BRAF: variants seen among roughly 807,000 people sequenced by gnomAD.
BRAF encodes the protein B-Raf proto-oncogene, serine/threonine kinase, also known as serine/threonine-protein kinase B-raf.
Under a neutral mutation model 104.6 loss-of-function variants are expected in BRAF, and 16 were observed. The observed-to-expected ratio is 0.15, with a 90% CI of 0.10 to 0.23. BRAF has a LOEUF of 0.23. Ranked by LOEUF, BRAF falls within the 10% of genes least tolerant of loss-of-function variation. The pLI is 1.00. For synonymous variants in BRAF, 310 were observed against 341.6 expected, an observed-to-expected ratio of 0.91 and a Z score of 1.02; for missense variants, 541 against 937.3, an observed-to-expected ratio of 0.58 and a Z score of 5.52.
At chr7:140,903,852 A>G (rs4726020) in intron 1 of BRAF, among the ~76,000 whole-genome samples, 62,488 of 152,152 alleles carry the variant, frequency 0.41, 18,004 homozygotes, top group African/African-American at 0.82. Flanking sequence ...CTGTAGGTGT[A>G]GTAGAAGCAG....
At chr7:140,783,802 AG>A (rs999562238) in intron 10 of BRAF, among the ~76,000 whole-genome samples, 1 of 152,254 alleles carries the variant, frequency 6.6e-6, no homozygotes, top group Non-Finnish European at 1.5e-5. Context: ...ATGTAAATAA[AG>A]CCGGGCATAT....
At position 140,796,943 on chromosome 7, in the gene BRAF, A is replaced by AT. The variant is rs539402227; in HGVS notation, c.981-2477dup. Among the ~76,000 whole-genome samples the AT allele has an allele frequency of 2.2e-4, 34 of 152,014 alleles. No homozygotes were observed. In the South Asian group the frequency reaches 6.7e-3, roughly 30 times the overall value. On this transcript the variant is annotated intron_variant, in intron 7 of 19. Coordinates refer to ENST00000644969, the MANE Select transcript of BRAF (RefSeq NM_001374258.1). Reference sequence around the variant, plus strand: ...AAATATTACCTGGTATCCTGATTCAATTTTTTTTCTGATTTCAGTTAATAC... The same window carrying AT: ...AAATATTACCTGGTATCCTGATTCAATTTTTTTTTCTGATTTCAGTTAATAC...
intron 14 of BRAF, among the ~76,000 whole-genome samples, chr7:140,756,603 G>A (rs1240100639): frequency 6.6e-6 from 1 of 151,736 alleles, no homozygotes; most frequent in African/African-American, 2.4e-5. Flanking sequence ...TTTGGGAGTA[G>A]GGAAGGGAAC....
intron 1 of BRAF, among the ~76,000 whole-genome samples, chr7:140,884,427 A>ATGTGTGTGTGTGTGTGTGTG (rs1491354147): frequency 1.7e-5 from 2 of 114,664 alleles, no homozygotes; most frequent in Admixed American, 9.6e-5. Flanking sequence ...TATATATAAG[A>ATGTGTGTGTGTGTGTGTGTG]TATGTGTGTG....
chr7:140,755,034 GA>G (rs979120805), intron 14 of BRAF, among the ~76,000 whole-genome samples: 1 of 152,100 alleles, frequency 6.6e-6, no homozygotes, highest in African/African-American at 2.4e-5. Flanking sequence ...TTTTTGGGGA[GA>G]CAAAGTCTTA....
At chr7:140,747,669 G>GA (rs1797462884) in intron 17 of BRAF, among the ~76,000 whole-genome samples, 2 of 152,186 alleles carry the variant, frequency 1.3e-5, no homozygotes, top group South Asian at 4.1e-4. Context: ...AATTCCTCCA[G>GA]AAAAATATTA....
downstream of BRAF, among the ~76,000 whole-genome samples, chr7:140,717,434 CTAAT>C (rs564055694): frequency 2.4e-4 from 37 of 152,256 alleles, no homozygotes; most frequent in Non-Finnish European, 5.0e-4. Context: ...CCATGCCCAG[CTAAT>C]TAAATTTTTT....
In BRAF at chr7:140,761,454, T is replaced by C. The variant is rs562887156; in HGVS notation, c.1815-7221A>G. Among the ~76,000 whole-genome samples, 51 of 151,784 alleles carry C rather than the reference T, an allele frequency of 3.4e-4. 1 individual carries two copies. The highest frequency in any genetic ancestry group is 2.0e-3 in the Admixed American group (31 of 15,216). On this transcript the variant is annotated intron_variant, in intron 14 of 19. Transcript: ENST00000644969. ...AAATCATGCCAAAATGTAAAGACCA[T>C]CGAGACTAGGAAGAAACTGCATCAA...
chr7:140,916,812 C>T (rs1362303043), intron 1 of BRAF, among the ~76,000 whole-genome samples: 1 of 152,162 alleles, frequency 6.6e-6, no homozygotes, highest in Non-Finnish European at 1.5e-5. Context: ...TATGAGTCTT[C>T]TCCTTCCAAA....
chr7:140,723,837 A>T lies in BRAF; in HGVS notation c.*2657T>A. 2 of 1,046,376 alleles carry T rather than the reference A, an allele frequency of 1.9e-6. No homozygotes were observed. Among genetic ancestry groups the T allele is most frequent in the Non-Finnish European group, 2.3e-6 (2 of 867,370 alleles). 64.8% of individuals were successfully genotyped at this position (1,046,376 alleles called of 1,614,324 possible). ...AATTACTCATAAAGTGCTTTTCACA[A>T]ATAAGGACTTCTTCCTCGTTTTTTT... is the stretch of plus-strand genomic sequence containing the variant. On this transcript the variant is annotated 3_prime_UTR_variant, in exon 20 of 20. Coordinates refer to ENST00000644969, the MANE Select transcript of BRAF (RefSeq NM_001374258.1).
At chr7:140,814,763 A>ATG (rs1331980847) in intron 3 of BRAF, among the ~76,000 whole-genome samples, 1 of 142,596 alleles carries the variant, frequency 7.0e-6, no homozygotes, top group African/African-American at 2.7e-5. Context: ...TAACATATAT[A>ATG]TTATATATAA....
chr7:140,862,898 GA>G (rs1327444670), intron 1 of BRAF, among the ~76,000 whole-genome samples: 2 of 152,242 alleles, frequency 1.3e-5, no homozygotes, highest in Admixed American at 6.5e-5. Flanking sequence ...TTTTTTAAAA[GA>G]TAGTAGAATA....
intron 4 of BRAF, chr7:140,808,280 G>A (rs1274149863): frequency 2.0e-6 from 1 of 492,960 alleles, no homozygotes; most frequent in Admixed American, 2.4e-5. Flanking sequence ...AGGGTAAAGA[G>A]ATGTACTCTT....
At chr7:140,849,977 C>T in intron 2 of BRAF, 134 bp downstream of exon 2, 1 of 661,452 alleles carries the variant, frequency 1.5e-6, no homozygotes, top group South Asian at 1.9e-5. Context: ...ATAATACAGG[C>T]AAAGCTAATT....
chr7:140,753,527 T>A (rs1797957633), intron 15 of BRAF, 134 bp from the exon 15 acceptor site: 2 of 643,028 alleles, frequency 3.1e-6, no homozygotes, highest in Non-Finnish European at 5.5e-6. Flanking sequence ...GTACTTCATC[T>A]TTCCTCTTAG....
chr7:140,821,880 A>C (rs1805524908), intron 3 of BRAF, among the ~76,000 whole-genome samples: 1 of 152,226 alleles, frequency 6.6e-6, no homozygotes, highest in Admixed American at 6.5e-5. Flanking sequence ...AGCAACCTGG[A>C]TGCAGCTGGA....
At chr7:140,882,512 G>C (rs986085856) in intron 1 of BRAF, among the ~76,000 whole-genome samples, 5 of 151,676 alleles carry the variant, frequency 3.3e-5, no homozygotes, top group South Asian at 2.1e-4. Flanking sequence ...CAAGTAGCTG[G>C]GACTACAGGC....
intron 11 of BRAF, among the ~76,000 whole-genome samples, chr7:140,782,741 C>T (rs756198863): frequency 2.2e-4 from 33 of 152,090 alleles, no homozygotes; most frequent in Non-Finnish European, 4.6e-4. Context: ...CCAGCCTTTT[C>T]GTGCCTTCTA....
At chr7:140,763,244 C>T (rs1156489162) in intron 14 of BRAF, among the ~76,000 whole-genome samples, 1 of 151,574 alleles carries the variant, frequency 6.6e-6, no homozygotes, top group Non-Finnish European at 1.5e-5. Flanking sequence ...GGGCTGACCC[C>T]CCAACCTCCC....
Sources: gnomAD v4.1 joint callset for allele counts (sites outside exome capture counted in the v4.1 genomes callset) on GRCh38, gnomAD v4.1.1 for gene constraint, MANE v1.5 for transcripts, NCBI Gene and HGNC (gene_info 2026-07-23, HGNC 2026-07-21) for gene names.